The following DDAH1 variants were observed in gnomAD, a reference collection of about 807,000 sequenced individuals.
The protein encoded by DDAH1 is dimethylarginine dimethylaminohydrolase 1, also known as N(G),N(G)-dimethylarginine dimethylaminohydrolase 1.
DDAH1 carries 19 observed loss-of-function variants against 28.8 expected under a neutral mutation model. That is an observed-to-expected ratio of 0.66 (90% CI 0.46 to 0.97). The LOEUF is 0.97. Ranked by LOEUF, DDAH1 falls within the 50% of genes least tolerant of loss-of-function variation. The probability of loss-of-function intolerance (pLI) is 0.00; values close to 1 mark genes in which losing one functional copy is unlikely to be tolerated. For missense variants in DDAH1, 326 were observed against 375.9 expected, an observed-to-expected ratio of 0.87 and a Z score of 1.10; for synonymous variants, 153 against 154.4, an observed-to-expected ratio of 0.99 and a Z score of 0.07.
intron 1 of DDAH1, among the ~76,000 whole-genome samples, chr1:85,569,122 G>A (rs1476681870): frequency 2.6e-5 from 4 of 152,284 alleles, no homozygotes; most frequent in African/African-American, 7.2e-5. Context: ...AGACTGAACA[G>A]TAAACAAAAC....
chr1:85,376,888 A>G (rs1650703539), intron 1 of DDAH1: 1 of 152,062 alleles, frequency 6.6e-6, no homozygotes. Flanking sequence ...TAATAGCCCC[A>G]ATACAAAAAG....
chr1:85,466,574 C>T (rs552624382), upstream of DDAH1, among the ~76,000 whole-genome samples: 1 of 152,202 alleles, frequency 6.6e-6, no homozygotes, highest in East Asian at 1.9e-4. Flanking sequence ...TCAAGGACAG[C>T]TCTGACACTG....
chr1:85,576,147 G>A (rs1380649744), intron 1 of DDAH1, among the ~76,000 whole-genome samples: 1 of 151,754 alleles, frequency 6.6e-6, no homozygotes, highest in East Asian at 1.9e-4. Context: ...GGGCATCTGA[G>A]AATTAAACAA....
At chr1:85,529,402 T>C (rs1464676423) in intron 1 of DDAH1, among the ~76,000 whole-genome samples, 1 of 151,996 alleles carries the variant, frequency 6.6e-6, no homozygotes, top group African/African-American at 2.4e-5. Context: ...CTGAGAAATA[T>C]ATATTTCAAA....
upstream of DDAH1, among the ~76,000 whole-genome samples, chr1:85,466,160 T>C (rs61223539): frequency 0.24 from 37,154 of 152,230 alleles, 4,700 homozygotes; most frequent in Middle Eastern, 0.34. Flanking sequence ...AGAGATGTGA[T>C]CTGCCTTCTC....
At chr1:85,412,927 G>T (rs1000354374) in intron 1 of DDAH1, among the ~76,000 whole-genome samples, 3 of 152,190 alleles carry the variant, frequency 2.0e-5, no homozygotes, top group Non-Finnish European at 4.4e-5. Context: ...ATTGAGCCTA[G>T]CAGGTCGAGG....
At chr1:85,509,395 G>T (rs1657145989) in intron 1 of DDAH1, among the ~76,000 whole-genome samples, 1 of 152,070 alleles carries the variant, frequency 6.6e-6, no homozygotes, top group Non-Finnish European at 1.5e-5. Flanking sequence ...GGAAAAACCA[G>T]AACAGAAAAT....
intron 1 of DDAH1, among the ~76,000 whole-genome samples, chr1:85,412,064 A>G (rs1652675391): frequency 6.6e-6 from 1 of 152,280 alleles, no homozygotes; most frequent in Non-Finnish European, 1.5e-5. Context: ...TAAAATTCCT[A>G]CATGTACCAA....
intron 2 of DDAH1, among the ~76,000 whole-genome samples, chr1:85,478,210 G>T (rs886088461): frequency 2.6e-5 from 4 of 152,120 alleles, no homozygotes; most frequent in African/African-American, 7.2e-5. Flanking sequence ...GAAAACATGG[G>T]TTTCCACTAA....
chr1:85,528,874 C>T (rs1444532969), intron 1 of DDAH1, among the ~76,000 whole-genome samples: 6 of 150,896 alleles, frequency 4.0e-5, no homozygotes, highest in African/African-American at 1.5e-4. Flanking sequence ...CTCAAGAGGC[C>T]GAGGCAGGAG....
chr1:85,506,051 T>A (rs1657006190), intron 1 of DDAH1, among the ~76,000 whole-genome samples: 1 of 152,122 alleles, frequency 6.6e-6, no homozygotes, highest in Admixed American at 6.5e-5. Flanking sequence ...TCATGAGGAT[T>A]CAGAATCCAG....
chr1:85,436,133 C>T (rs1653932449), intron 1 of DDAH1, among the ~76,000 whole-genome samples: 1 of 151,880 alleles, frequency 6.6e-6, no homozygotes, highest in South Asian at 2.1e-4. Flanking sequence ...ATTGCATTGG[C>T]CATAAATTCA....
intron 1 of DDAH1, among the ~76,000 whole-genome samples, chr1:85,423,190 G>A (rs1212900808): frequency 6.6e-6 from 1 of 152,136 alleles, no homozygotes; most frequent in Non-Finnish European, 1.5e-5. Flanking sequence ...AGGAAATCTG[G>A]AGATCAGGTA....
rs1317319229 is a variant in DDAH1, at chr1:85,518,638, G to T, written c.-122-22357C>A. On this transcript the variant is annotated intron_variant, in intron 1 of 6. Coordinates refer to the DDAH1 transcript ENST00000426972. ...AGCTGGAAAAGGCTCTACCTTTAAG[G>T]ACTCAAGTGATTAGATTGGGTGCAC... 2.0e-5 allele frequency among the ~76,000 whole-genome samples: 3 copies of T among 152,102 alleles called. No homozygotes were observed. The East Asian group carries it at 5.8e-4, about 29-fold the overall frequency.
chr1:85,435,137 A>AT (rs1335935807), intron 1 of DDAH1: 2 of 152,152 alleles, frequency 1.3e-5, no homozygotes, highest in Admixed American at 6.5e-5. Flanking sequence ...ATAAAAATGG[A>AT]TTTTTCCACT....
chr1:85,459,206 G>A (rs527845441), intron 1 of DDAH1, among the ~76,000 whole-genome samples: 81 of 152,326 alleles, frequency 5.3e-4, no homozygotes, highest in African/African-American at 1.8e-3. Context: ...AGAAATCTGA[G>A]CTTAATAAGA....
chr1:85,510,030 T>C (rs510021), intron 1 of DDAH1, among the ~76,000 whole-genome samples: 147,618 of 151,956 alleles, frequency 0.97, 71,851 homozygotes, highest in East Asian at 1. Context: ...TCTCGACAAC[T>C]CCAAGACACA....
At chr1:85,465,170 G>C (rs914742715), upstream of DDAH1, 1 of 1,146,644 alleles carries the variant, frequency 8.7e-7, no homozygotes, top group Non-Finnish European at 1.1e-6. Flanking sequence ...GGTGCAGAAG[G>C]AGCCCAGCTC....
intron 1 of DDAH1, among the ~76,000 whole-genome samples, chr1:85,384,560 T>TCA (rs1651154399): frequency 6.6e-6 from 1 of 152,220 alleles, no homozygotes; most frequent in Non-Finnish European, 1.5e-5. Context: ...AAAAGCTGTT[T>TCA]CATATAGTTG....
Sources: gnomAD v4.1 joint callset for allele counts (sites outside exome capture counted in the v4.1 genomes callset) on GRCh38, gnomAD v4.1.1 for gene constraint, MANE v1.5 for transcripts, NCBI Gene and HGNC (gene_info 2026-07-23, HGNC 2026-07-21) for gene names.